GTF3C1: variants seen among roughly 807,000 people sequenced by gnomAD.
GTF3C1 encodes the protein general transcription factor 3C polypeptide 1.
Under a neutral mutation model 226.7 loss-of-function variants are expected in GTF3C1, and 57 were observed. The observed-to-expected ratio is 0.25, with a 90% CI of 0.20 to 0.31. The LOEUF (loss-of-function observed/expected upper bound fraction) is 0.31. Ranked by LOEUF, GTF3C1 falls within the 10% of genes least tolerant of loss-of-function variation. The pLI, the probability that GTF3C1 is intolerant of heterozygous loss-of-function variation, is 1.00. For missense variants in GTF3C1, 2,217 were observed against 2,776.1 expected (o/e 0.80, Z 4.53); for synonymous variants, 1,090 against 1,084.8 (o/e 1.00, Z -0.09).
chr16:27,482,999 C>T (rs1422258698), intron 26 of GTF3C1, 45 bp downstream of exon 26: 2 of 1,541,204 alleles, frequency 1.3e-6, no homozygotes, highest in Non-Finnish European at 1.8e-6. Context: ...TCTAGCTGCC[C>T]CAATCTCCCA....
chr16:27,493,269 C>T lies in GTF3C1; in HGVS notation c.2806G>A (p.Asp936Asn), dbSNP rs749889762. Reference protein sequence around the residue: ...KVDNLEEFLNDPLKKHTLIRF... With the variant: ...KVDNLEEFLNNPLKKHTLIRF... ...ATCAGCGTGTGCTTCTTCAGCGGGT[C>T]GTTCAGAAATTCCTCCAGGTTGTCC... is the stretch of plus-strand genomic sequence containing the variant. Residue 936 changes from aspartate to asparagine, a missense_variant, in exon 17 of 37, where the codon GAC becomes AAC. Physicochemically the swap from Asp to Asn is conservative, Grantham distance 23. Coordinates refer to ENST00000356183, the MANE Select transcript of GTF3C1 (RefSeq NM_001520.4). 1.3e-5 allele frequency: 21 copies of T among 1,609,782 alleles called. No individual in the cohort carries two copies. Among genetic ancestry groups the T allele is most frequent in the South Asian group, 6.6e-5 (6 of 90,974 alleles).
chr16:27,521,597 G>A (rs769254975), intron 6 of GTF3C1, among the ~76,000 whole-genome samples: 7 of 152,264 alleles, frequency 4.6e-5, no homozygotes, highest in Non-Finnish European at 7.3e-5. Flanking sequence ...CGAGAGAGCT[G>A]CCTAGGACTC....
intron 4 of GTF3C1, among the ~76,000 whole-genome samples, chr16:27,534,902 A>G (rs1207241960): frequency 1.3e-5 from 2 of 151,950 alleles, no homozygotes; most frequent in Non-Finnish European, 2.9e-5. Context: ...AAAATATATT[A>G]GAATTGTTGG....
chr16:27,496,815 T>C (rs887407597), intron 14 of GTF3C1, among the ~76,000 whole-genome samples: 2 of 152,184 alleles, frequency 1.3e-5, no homozygotes, highest in Admixed American at 1.3e-4. Context: ...AGCAAGAGGG[T>C]GCAGGACAGG....
chr16:27,509,996 C>T (rs2088548949), intron 7 of GTF3C1, among the ~76,000 whole-genome samples: 1 of 152,156 alleles, frequency 6.6e-6, no homozygotes, highest in South Asian at 2.1e-4. Context: ...CACCTGTAAT[C>T]CCAGCACTTT....
chr16:27,493,571 A>G lies in GTF3C1; in HGVS notation c.2779-275T>C, dbSNP rs76955818. Among the ~76,000 whole-genome samples the G allele has an allele frequency of 7.2e-3, 1,096 of 152,324 alleles. 15 individuals are homozygous for G. The highest frequency in any genetic ancestry group is 0.025 in the African/African-American group (1,041 of 41,576). On this transcript the variant is annotated intron_variant, in intron 16 of 36. Coordinates refer to ENST00000356183, the MANE Select transcript of GTF3C1 (RefSeq NM_001520.4). ...TTGCTAAACCTTTCCCGGGGGCAAC[A>G]TAAGAATATATACATTTATATTTTA...
chr16:27,541,272 C>T (rs892677344), intron 2 of GTF3C1, among the ~76,000 whole-genome samples: 1 of 152,166 alleles, frequency 6.6e-6, no homozygotes, highest in Non-Finnish European at 1.5e-5. Context: ...AGCACGGCTA[C>T]AAAGTCTGGA....
At chr16:27,526,253 G>A (rs1223441261) in intron 6 of GTF3C1, among the ~76,000 whole-genome samples, 1 of 152,314 alleles carries the variant, frequency 6.6e-6, no homozygotes, top group East Asian at 1.9e-4. Context: ...TCCCCTTTGG[G>A]AAGCTACTGG....
chr16:27,532,246 G>C (rs543195011), intron 5 of GTF3C1, among the ~76,000 whole-genome samples: 121 of 152,286 alleles, frequency 7.9e-4, no homozygotes, highest in Non-Finnish European at 1.5e-3. Context: ...AGAGGCTTAG[G>C]CAGGCAGTGA....
chr16:27,473,772 G>A (rs1357739924), intron 29 of GTF3C1, among the ~76,000 whole-genome samples: 4 of 152,182 alleles, frequency 2.6e-5, no homozygotes, highest in East Asian at 1.9e-4. Context: ...GCACCTGTGC[G>A]CCAGTCCTGG....
chr16:27,531,945 C>T (rs2088923632), intron 5 of GTF3C1, among the ~76,000 whole-genome samples: 1 of 152,082 alleles, frequency 6.6e-6, no homozygotes. Context: ...AACACTTCTC[C>T]CCTACTACAA....
Position 27,493,405 on chromosome 16 carries a change from C to G in GTF3C1, c.2779-109G>C, listed in dbSNP as rs955800006. 1.9e-5 allele frequency: 13 copies of G among 670,822 alleles called. No homozygotes were observed. In the African/African-American group the frequency reaches 2.3e-4, roughly 12 times the overall value. The allele number at this position is 670,822 out of a possible 1,614,324, so 41.6% of individuals were successfully genotyped here. A position where few individuals can be genotyped will look rare whatever the true frequency, so the allele number is the denominator to read the frequency against. ...TCTGACCATAGTCTCCCTGAACCTG[C>G]CCACTGGGCTCTCCTTCCTGCCCCA... On this transcript the variant is annotated intron_variant, in intron 16 of 36. Transcript: ENST00000356183.
chr16:27,503,099 C>T, intron 10 of GTF3C1, 104 bp from the exon 11 acceptor site: 6 of 773,260 alleles, frequency 7.8e-6, no homozygotes, highest in South Asian at 1.6e-5. Flanking sequence ...AACTTCTACT[C>T]CCATCTTTCA....
chr16:27,495,523 G>A, intron 14 of GTF3C1, 31 bp from the exon 15 acceptor site: 1 of 1,591,844 alleles, frequency 6.3e-7, no homozygotes, highest in African/African-American at 1.3e-5. Flanking sequence ...GGCGGTGCTT[G>A]AAAAATCCCA....
chr16:27,465,270 T>C lies in GTF3C1; in HGVS notation c.5345A>G (p.Asp1782Gly), dbSNP rs141080021. The C allele has an allele frequency of 1.3e-5, 21 of 1,613,918 alleles. No individual in the cohort carries two copies. In the African/African-American group the frequency reaches 2.7e-4, roughly 21 times the overall value. Residue 1782 changes from aspartate to glycine, a missense_variant, in exon 33 of 37, where the codon GAT becomes GGT. Coordinates refer to ENST00000356183, the MANE Select transcript of GTF3C1 (RefSeq NM_001520.4). The stretch of plus-strand genomic sequence containing the variant: ...TAAAGCACAGCTCACCTGGATGCAA[T>C]CTGCGAATGTCCTGGTGCGCCCACC... ...AGGGRTRTFA[D>G]CIQALLEQHQ...
chr16:27,483,203 C>T, intron 25 of GTF3C1, 78 bp from the exon 26 acceptor site: 2 of 1,408,096 alleles, frequency 1.4e-6, no homozygotes, highest in Non-Finnish European at 2.0e-6. Flanking sequence ...GAGCTCCATT[C>T]TCATGTTTCT....
Position 27,471,803 on chromosome 16 carries a change from T to C in GTF3C1, c.4471A>G (p.Asn1491Asp), listed in dbSNP as rs1346831181. Residue 1491 changes from asparagine (N) to aspartate (D), a missense_variant, in exon 30 of 37, where the codon AAC becomes GAC. Asn to Asp is a conservative substitution (Grantham distance 23). Transcript: ENST00000356183. This position sits in a 1 kb window ranked among gnomAD's most constrained non-coding sequence, Gnocchi z 5.0. ...ATTGGCACGAAGGGGAGGGCCCGGT[T>C]CTTCTTGGGGCCCAGCGTGTGGTTG... is the stretch of plus-strand genomic sequence containing the variant. Reference protein sequence around the residue: ...RVNHTLGPKKNRALPFVPMSY... With the variant: ...RVNHTLGPKKDRALPFVPMSY... 1 of 1,613,818 alleles carries C rather than the reference T, an allele frequency of 6.2e-7. No individual in the cohort carries two copies. Among genetic ancestry groups the C allele is most frequent in the East Asian group, 2.2e-5 (1 of 44,892 alleles).
intron 32 of GTF3C1, among the ~76,000 whole-genome samples, chr16:27,468,215 C>T (rs575758481): frequency 1.3e-5 from 2 of 152,326 alleles, no homozygotes; most frequent in South Asian, 2.1e-4. Context: ...TGGGGACTTG[C>T]TTCTTATAGA....
Position 27,528,738 on chromosome 16 carries a change from T to G in GTF3C1, c.850-17A>C, listed in dbSNP as rs1409071668. 1.2e-5 allele frequency: 19 copies of G among 1,610,992 alleles called. No homozygotes were observed. The highest frequency in any genetic ancestry group is 1.5e-5 in the Non-Finnish European group (18 of 1,177,338). Reference sequence around the variant, plus strand: ...GCACAGCCCCTGCCAAAACACAATTTAAAGGCTACTATTAGACACAGCAAG... The same window carrying G: ...GCACAGCCCCTGCCAAAACACAATTGAAAGGCTACTATTAGACACAGCAAG... On this transcript the variant is annotated splice_polypyrimidine_tract_variant and intron_variant, in intron 5 of 36. Coordinates refer to ENST00000356183, the MANE Select transcript of GTF3C1 (RefSeq NM_001520.4).
Sources: gnomAD v4.1 joint callset for allele counts (sites outside exome capture counted in the v4.1 genomes callset) on GRCh38, gnomAD v4.1.1 for gene constraint, Gnocchi (gnomAD v3.1) non-coding constraint, MANE v1.5 for transcripts, NCBI Gene and HGNC (gene_info 2026-07-23, HGNC 2026-07-21) for gene names.